AFAP1: variants seen among roughly 807,000 people sequenced by gnomAD.
AFAP1 encodes the protein actin filament-associated protein 1.
A neutral mutation model predicts 93.9 loss-of-function variants in AFAP1; 75 were observed. That is an observed-to-expected ratio of 0.80 (90% CI 0.66 to 0.97). AFAP1 has a LOEUF of 0.97. Ranked by LOEUF, AFAP1 falls within the 50% of genes least tolerant of loss-of-function variation. The pLI, the probability that AFAP1 is intolerant of heterozygous loss-of-function variation, is 0.00. For missense variants in AFAP1, 1,201 were observed against 1,050.8 expected, an observed-to-expected ratio of 1.14 and a Z score of -1.98; for synonymous variants, 517 against 430.7, an observed-to-expected ratio of 1.20 and a Z score of -2.48.
chr4:7,789,614 C>T (rs1203609900), intron 11 of AFAP1, among the ~76,000 whole-genome samples: 47 of 144,164 alleles, frequency 3.3e-4, no homozygotes, highest in Non-Finnish European at 3.6e-4. Flanking sequence ...CCATCCTCTT[C>T]ATCCTCACCA....
chr4:7,841,037 G>T (rs948149979), intron 5 of AFAP1, among the ~76,000 whole-genome samples: 3 of 152,238 alleles, frequency 2.0e-5, no homozygotes, highest in Non-Finnish European at 4.4e-5. Context: ...TGCCTCACGA[G>T]AGATATGCAA....
chr4:7,787,001 G>A (rs537895721), intron 11 of AFAP1, among the ~76,000 whole-genome samples: 5 of 152,266 alleles, frequency 3.3e-5, no homozygotes, highest in South Asian at 4.1e-4. Context: ...CGCTGACAGC[G>A]GCCCGAGAAA....
intron 6 of AFAP1, among the ~76,000 whole-genome samples, chr4:7,836,523 T>C (rs963232592): frequency 2.0e-5 from 3 of 152,252 alleles, no homozygotes; most frequent in African/African-American, 7.2e-5. Context: ...CACAACTCAC[T>C]GCAGCCTCAA....
chr4:7,871,886 A>G, intron 2 of AFAP1, 66 bp downstream of exon 2: 1 of 1,556,142 alleles, frequency 6.4e-7, no homozygotes, highest in Non-Finnish European at 8.7e-7. Flanking sequence ...AAGGTGGTAA[A>G]ATTAAAGACG....
At chr4:7,816,838 C>G (rs1720521659) in intron 7 of AFAP1, among the ~76,000 whole-genome samples, 1 of 152,124 alleles carries the variant, frequency 6.6e-6, no homozygotes, top group South Asian at 2.1e-4. Context: ...TTCCCAGGCA[C>G]AAAGGAACAT....
At chr4:7,783,081 G>GT (rs1304478702) in intron 12 of AFAP1, among the ~76,000 whole-genome samples, 28 of 152,184 alleles carry the variant, frequency 1.8e-4, no homozygotes, top group Non-Finnish European at 2.4e-4. Flanking sequence ...CAGGGGGAAC[G>GT]TTGGGTAAAC....
Position 7,763,642 on chromosome 4 carries a change from G to C in AFAP1, c.*123C>G, listed in dbSNP as rs1714118874. ...GGACAGGCACTGGCCTCAGAGCTCA[G>C]TCGTGGAGCCTCTGGAGTCGTGCAG... On this transcript the variant is annotated 3_prime_UTR_variant, in exon 18 of 18. Coordinates refer to ENST00000420658, the MANE Select transcript of AFAP1 (RefSeq NM_001134647.2). 2.0e-5 allele frequency: 24 copies of C among 1,200,092 alleles called. No homozygotes were observed. The highest frequency in any genetic ancestry group is 2.7e-5 in the Non-Finnish European group (23 of 836,728). 74.3% of individuals were successfully genotyped at this position (1,200,092 alleles called of 1,614,324 possible). A position where few individuals can be genotyped will look rare whatever the true frequency, so the allele number is the denominator to read the frequency against.
chr4:7,836,377 A>G (rs1712300371), intron 6 of AFAP1, among the ~76,000 whole-genome samples: 1 of 152,248 alleles, frequency 6.6e-6, no homozygotes, highest in South Asian at 2.1e-4. Flanking sequence ...CTACGGAGAC[A>G]GAAAGCAGGT....
intron 3 of AFAP1, among the ~76,000 whole-genome samples, chr4:7,858,976 C>T (rs565243805): frequency 8.5e-5 from 13 of 152,310 alleles, no homozygotes; most frequent in African/African-American, 2.6e-4. Context: ...TCAAATGTAC[C>T]ACTGAATGGC....
Position 7,843,320 on chromosome 4 carries a change from T to C in AFAP1, c.365A>G (p.Tyr122Cys), listed in dbSNP as rs962136070. The C allele has an allele frequency of 6.2e-7, 1 of 1,613,980 alleles. No individual in the cohort carries two copies. The highest frequency in any genetic ancestry group is 1.3e-5 in the African/African-American group (1 of 75,004). ...CTCCTCCTCTTCATCATACGACTCA[T>C]AAGAGCTGCTCATCGCATCGGAATC... Reference protein sequence around the residue: ...NYDSDAMSSSYESYDEEEEDG... With the variant: ...NYDSDAMSSSCESYDEEEEDG... The change falls in exon 5 of 18, where the codon TAT becomes TGT. Residue 122 changes from tyrosine to cysteine, a missense_variant. Physicochemically the swap from Tyr to Cys is radical, Grantham distance 194. Transcript: ENST00000420658.
chr4:7,919,310 G>C (rs539533566), intron 1 of AFAP1, among the ~76,000 whole-genome samples: 1 of 152,224 alleles, frequency 6.6e-6, no homozygotes. Context: ...CTAGCAGCAC[G>C]CATCACTGCA....
chr4:7,766,363 G>T (rs1714577806), intron 17 of AFAP1, among the ~76,000 whole-genome samples: 1 of 152,198 alleles, frequency 6.6e-6, no homozygotes, highest in East Asian at 1.9e-4. Context: ...TTCCTCCCAG[G>T]CAGTGGGGTT....
chr4:7,775,138 CAA>C, intron 14 of AFAP1: 1 of 442,194 alleles, frequency 2.3e-6, no homozygotes, highest in East Asian at 3.9e-5. Flanking sequence ...GACCCCGTGT[CAA>C]AAAAAAATTA....
chr4:7,898,417 A>G lies in AFAP1; in HGVS notation c.-2-26337T>C, dbSNP rs568065465. On this transcript the variant is annotated intron_variant, in intron 1 of 17. Transcript: ENST00000420658. ...GAGTGAAACTCCATCTCAGAAGGGG[A>G]AAAAAAAAGCCTCCCAACCCACCTC... is the stretch of plus-strand genomic sequence containing the variant. Among the ~76,000 whole-genome samples the G allele has an allele frequency of 3.9e-3, 582 of 149,560 alleles. 4 individuals carry two copies. The highest frequency in any genetic ancestry group is 0.011 in the African/African-American group (452 of 40,058).
At chr4:7,898,446 CCTT>C (rs1718912439) in intron 1 of AFAP1, among the ~76,000 whole-genome samples, 1 of 151,876 alleles carries the variant, frequency 6.6e-6, no homozygotes, top group Non-Finnish European at 1.5e-5. Flanking sequence ...CCACCTCTCT[CCTT>C]CCGCCTTTCA....
At chr4:7,912,893 G>A (rs1427736653) in intron 1 of AFAP1, among the ~76,000 whole-genome samples, 2 of 152,058 alleles carry the variant, frequency 1.3e-5, no homozygotes, top group Non-Finnish European at 2.9e-5. Flanking sequence ...TGTCACCCAG[G>A]CTGGAATGCA....
chr4:7,798,210 G>C lies in AFAP1; in HGVS notation c.1266+2232C>G, dbSNP rs1208781472. Among the ~76,000 whole-genome samples, 467 of 121,032 alleles carry C rather than the reference G, an allele frequency of 3.9e-3. 11 individuals carry two copies. Among genetic ancestry groups the C allele is most frequent in the Non-Finnish European group, 6.2e-3 (344 of 55,346 alleles). 79.4% of individuals were successfully genotyped at this position (121,032 alleles called of 152,430 possible). A position where few individuals can be genotyped will look rare whatever the true frequency, so the allele number is the denominator to read the frequency against. On this transcript the variant is annotated intron_variant, in intron 10 of 17. Coordinates refer to ENST00000420658, the MANE Select transcript of AFAP1 (RefSeq NM_001134647.2). ...CTGCAACTCTATTGGCTGGCTCACG[G>C]CACTGCAACTCTATTGGCTGGCTCA...
At chr4:7,909,726 ATTT>A (rs1490412516) in intron 1 of AFAP1, among the ~76,000 whole-genome samples, 1 of 152,114 alleles carries the variant, frequency 6.6e-6, no homozygotes, top group Non-Finnish European at 1.5e-5. Context: ...GTGGATCTCA[ATTT>A]TTACTGTATA....
chr4:7,813,015 T>A (rs1259004976), intron 8 of AFAP1, among the ~76,000 whole-genome samples: 3 of 152,084 alleles, frequency 2.0e-5, no homozygotes, highest in Non-Finnish European at 4.4e-5. Context: ...CTGTGTCGGT[T>A]TATTAGACAG....
Sources: allele counts gnomAD v4.1 joint callset (sites outside exome capture counted in the v4.1 genomes callset), GRCh38; gene constraint gnomAD v4.1.1; transcripts MANE v1.5; gene names NCBI Gene and HGNC (gene_info 2026-07-23, HGNC 2026-07-21).